FAM171A2: variants seen among roughly 807,000 people sequenced by gnomAD.
The protein encoded by FAM171A2 is family with sequence similarity 171 member A2.
FAM171A2 carries 13 observed loss-of-function variants against 34.2 expected under a neutral mutation model. The observed-to-expected ratio is 0.38, with a 90% confidence interval of 0.25 to 0.60. The LOEUF (loss-of-function observed/expected upper bound fraction) is 0.60. Among genes scored for constraint, FAM171A2 ranks in the 20% least tolerant of loss-of-function variants. FAM171A2 has a pLI of 0.62. For missense variants in FAM171A2, 950 were observed against 1,180.7 expected, an observed-to-expected ratio of 0.80 and a Z score of 2.86; for synonymous variants, 475 against 561.2, an observed-to-expected ratio of 0.85 and a Z score of 2.17.
chr17:44,361,185 T>C (rs930821069), intron 1 of FAM171A2, among the ~76,000 whole-genome samples: 1 of 152,206 alleles, frequency 6.6e-6, no homozygotes, highest in African/African-American at 2.4e-5. Context: ...GATGGCGTGA[T>C]GGGAAGGAAC....
intron 3 of FAM171A2, 192 bp downstream of exon 3, chr17:44,359,387 T>C: frequency 6.6e-6 from 4 of 606,664 alleles, no homozygotes; most frequent in Non-Finnish European, 1.2e-5. Context: ...CTGTGTTTTT[T>C]CACTTTGTGA....
intron 1 of FAM171A2, among the ~76,000 whole-genome samples, chr17:44,360,996 G>A (rs1049367861): frequency 6.6e-6 from 1 of 152,230 alleles, no homozygotes; most frequent in African/African-American, 2.4e-5. Flanking sequence ...CAGGAGATCA[G>A]GCAGGGAGCT....
chr17:44,359,785 C>T, intron 2 of FAM171A2, 114 bp from the exon 3 acceptor site: 5 of 1,335,966 alleles, frequency 3.7e-6, no homozygotes, highest in Non-Finnish European at 5.1e-6. Flanking sequence ...CCTCTGTGTA[C>T]CCCAGCCCAG....
chr17:44,359,614 T>C lies in FAM171A2; in HGVS notation c.404A>G (p.Tyr135Cys). Residue 135 changes from tyrosine to cysteine, a missense_variant, in exon 3 of 8, where the codon TAT (tyrosine) becomes TGT (cysteine). Around this residue, in one of 3 missense-constraint regions of FAM171A2, gnomAD observed 752 missense variants for 924.5 expected, o/e 0.81. Coordinates refer to ENST00000293443, the MANE Select transcript of FAM171A2 (RefSeq NM_198475.3). Reference sequence around the variant, plus strand: ...TAGGAGAATGTGCACCAGGTCCTCATAGAGGATGAGCGTGGCCGGCCGCTC... The same window carrying C: ...TAGGAGAATGTGCACCAGGTCCTCACAGAGGATGAGCGTGGCCGGCCGCTC... Reference protein sequence around the residue: ...LPERPATLILYEDLVHILLGS... With the variant: ...LPERPATLILCEDLVHILLGS... The C allele has an allele frequency of 1.9e-6, 3 of 1,551,088 alleles. No homozygotes were observed. The highest frequency in any genetic ancestry group is 2.4e-5 in the East Asian group (1 of 40,908).
rs1323284702 is a variant in FAM171A2 at position 44,359,894 on chromosome 17, C to T, written c.346+11G>A. 6.6e-7 allele frequency: 1 copy of T among 1,524,054 alleles called. No individual in the cohort carries two copies. The highest frequency in any genetic ancestry group is 2.0e-5 in the Admixed American group (1 of 49,768). 94.4% of individuals were successfully genotyped at this position (1,524,054 alleles called of 1,614,324 possible). On this transcript the variant is annotated intron_variant, in intron 2 of 7. Transcript: ENST00000293443. The stretch of plus-strand genomic sequence containing the variant: ...CTGCTGTCCCCCCCCTCCACCTGCC[C>T]CTGCACTCACAGGGCAGCTTGTCAA...
At chr17:44,358,381 G>A (rs997375392) in intron 3 of FAM171A2, among the ~76,000 whole-genome samples, 1 of 152,128 alleles carries the variant, frequency 6.6e-6, no homozygotes, top group South Asian at 2.1e-4. Context: ...TCAGAGTGAC[G>A]AAGGTGAGCA....
intron 1 of FAM171A2, among the ~76,000 whole-genome samples, chr17:44,361,037 G>C (rs182531931): frequency 6.6e-6 from 1 of 152,210 alleles, no homozygotes; most frequent in East Asian, 1.9e-4. Flanking sequence ...GAGATCTAGG[G>C]GGGAGCAACC....
At chr17:44,357,990 G>C (rs978289664) in intron 3 of FAM171A2, among the ~76,000 whole-genome samples, 1 of 152,178 alleles carries the variant, frequency 6.6e-6, no homozygotes, top group African/African-American at 2.4e-5. Flanking sequence ...CCTCGAGCCC[G>C]GATAGAAGCC....
chr17:44,358,440 C>T (rs930153548), intron 3 of FAM171A2, among the ~76,000 whole-genome samples: 29 of 152,272 alleles, frequency 1.9e-4, no homozygotes, highest in African/African-American at 7.0e-4. Flanking sequence ...CGCCTGTAAT[C>T]CCAGCACTTT....
chr17:44,362,722 T>TGTGG (rs2048452936), intron 1 of FAM171A2, among the ~76,000 whole-genome samples: 1 of 151,642 alleles, frequency 6.6e-6, no homozygotes, highest in Admixed American at 6.6e-5. Context: ...CTGCGCCCGG[T>TGTGG]GAGTCGCTGG....
chr17:44,353,655 G>T lies in FAM171A2; in HGVS notation c.*78C>A. On this transcript the variant is annotated 3_prime_UTR_variant, in exon 8 of 8. Transcript: ENST00000293443. ...CCTGGGGCTGGGAGCTACGCGCGAG[G>T]GCCCCCGCGGGCCCCCGGGGCGCGC... 1 of 1,091,956 alleles carries T rather than the reference G, an allele frequency of 9.2e-7. No individual in the cohort carries two copies. Among genetic ancestry groups the T allele is most frequent in the Non-Finnish European group, 1.1e-6 (1 of 873,712 alleles). 67.6% of individuals were successfully genotyped at this position (1,091,956 alleles called of 1,614,324 possible). A position where few individuals can be genotyped will look rare whatever the true frequency, so the allele number is the denominator to read the frequency against.
intron 3 of FAM171A2, among the ~76,000 whole-genome samples, chr17:44,357,917 A>G (rs1422420181): frequency 6.6e-6 from 1 of 152,182 alleles, no homozygotes; most frequent in Non-Finnish European, 1.5e-5. Flanking sequence ...TCTATTATCA[A>G]CCTCATTTTA....
chr17:44,353,719 G>GC lies in FAM171A2; in HGVS notation c.*13dup. Reference sequence around the variant, plus strand: ...GCCCGCGCGGGAGGGGCGGTGCCAGGCCCTGCGCGGGCGCTACTTGACGTT... The same window carrying GC: ...GCCCGCGCGGGAGGGGCGGTGCCAGGCCCCTGCGCGGGCGCTACTTGACGTT... On this transcript the variant is annotated 3_prime_UTR_variant, in exon 8 of 8. Coordinates refer to ENST00000293443, the MANE Select transcript of FAM171A2 (RefSeq NM_198475.3). The GC allele has an allele frequency of 7.3e-7, 1 of 1,376,448 alleles. No homozygotes were observed. The highest frequency in any genetic ancestry group is 9.4e-7 in the Non-Finnish European group (1 of 1,061,060). 85.3% of individuals were successfully genotyped at this position (1,376,448 alleles called of 1,614,324 possible). A position where few individuals can be genotyped will look rare whatever the true frequency, so the allele number is the denominator to read the frequency against.
rs1340637437 is a variant in FAM171A2 at position 44,359,677 on chromosome 17, G to A, written c.347-6C>T. On this transcript the variant is annotated splice_region_variant and splice_polypyrimidine_tract_variant and intron_variant, in intron 2 of 7. Coordinates refer to ENST00000293443, the MANE Select transcript of FAM171A2 (RefSeq NM_198475.3). Reference sequence around the variant, plus strand: ...GAGGCTGACAGACGCATACACTGCGGGAGGGATGGCCGGTCAGCTCCAGGA... The same window carrying A: ...GAGGCTGACAGACGCATACACTGCGAGAGGGATGGCCGGTCAGCTCCAGGA... 1.9e-6 allele frequency: 3 copies of A among 1,549,834 alleles called. No homozygotes were observed. The highest frequency in any genetic ancestry group is 2.7e-5 in the African/African-American group (2 of 72,988).
Position 44,354,849 on chromosome 17 carries a change from G to C in FAM171A2, c.1365C>G (p.Pro455=). Residue 455 remains proline, a synonymous_variant, in exon 8 of 8, where the codon CCC becomes CCG. Coordinates refer to ENST00000293443, the MANE Select transcript of FAM171A2 (RefSeq NM_198475.3). The surrounding 1 kb of genome is among the most constrained non-coding windows in gnomAD (Gnocchi z 5.8). ...RSAEGPGGLE[P]GLEEHRRGPS... ...GCCCCCGCCGGTGCTCCTCTAGGCC[G>C]GGCTCCAGCCCGCCGGGGCCCTCGG... is the stretch of plus-strand genomic sequence containing the variant. The C allele has an allele frequency of 7.8e-7, 1 of 1,282,650 alleles. No homozygotes were observed. Among genetic ancestry groups the C allele is most frequent in the Non-Finnish European group, 9.8e-7 (1 of 1,017,804 alleles). 79.5% of individuals were successfully genotyped at this position (1,282,650 alleles called of 1,614,324 possible). A position where few individuals can be genotyped will look rare whatever the true frequency, so the allele number is the denominator to read the frequency against.
chr17:44,360,100 C>G lies in FAM171A2; in HGVS notation c.151G>C (p.Gly51Arg), dbSNP rs753696091. ...GCCCGGGCCAGGGGCACCAGCTCCC[C>G]GCTCACATACACCTGCACCTTGATC... Reference protein sequence around the residue: ...ILIKVQVYVSGELVPLARASV... With the variant: ...ILIKVQVYVSRELVPLARASV... The change falls in exon 2 of 8, where the codon GGG becomes CGG. Residue 51 changes from glycine to arginine, a missense_variant. By Grantham distance (125) the Gly-to-Arg change is moderately radical. Coordinates refer to ENST00000293443, the MANE Select transcript of FAM171A2 (RefSeq NM_198475.3). 2 of 1,551,630 alleles carry G rather than the reference C, an allele frequency of 1.3e-6. No homozygotes were observed.
In FAM171A2 at chr17:44,354,814, G is replaced by A; in HGVS notation, c.1400C>T (p.Ala467Val). ...GGGCGGCTCGTGCAGGAAGGCCGCAGCCCCCGAGGGCCCCCGCCGGTGCTC... is the reference window on the plus strand; with the variant it reads ...GGGCGGCTCGTGCAGGAAGGCCGCAACCCCCGAGGGCCCCCGCCGGTGCTC... Reference protein sequence around the residue: ...LEEHRRGPSGAAAFLHEPPSP... With the variant: ...LEEHRRGPSGVAAFLHEPPSP... Residue 467 changes from alanine (A) to valine (V), a missense_variant, in exon 8 of 8, where the codon GCT (alanine) becomes GTT (valine). Physicochemically the swap from Ala to Val is moderately conservative, Grantham distance 64. Around this residue, in one of 3 missense-constraint regions of FAM171A2, gnomAD observed 752 missense variants for 924.5 expected, o/e 0.81. Transcript: ENST00000293443. This position sits in a 1 kb window ranked among gnomAD's most constrained non-coding sequence, Gnocchi z 5.8. 1.6e-6 allele frequency: 2 copies of A among 1,281,906 alleles called. No individual in the cohort carries two copies. Among genetic ancestry groups the A allele is most frequent in the Non-Finnish European group, 9.9e-7 (1 of 1,015,208 alleles). 79.4% of individuals were successfully genotyped at this position (1,281,906 alleles called of 1,614,324 possible).
chr17:44,355,821 C>G lies in FAM171A2; in HGVS notation c.916G>C (p.Gly306Arg). The G allele has an allele frequency of 6.4e-7, 1 of 1,551,694 alleles. No individual in the cohort carries two copies. Among genetic ancestry groups the G allele is most frequent in the Admixed American group, 2.0e-5 (1 of 51,000 alleles). ...PTAGLVTITSGIQDIGTYHTI... is the reference protein window; with the variant it reads ...PTAGLVTITSRIQDIGTYHTI... ...TGGTAGGTGCCGATGTCCTGGATGC[C>G]CGACGTGATGGTGACCAGCCCTGTG... The change falls in exon 7 of 8, where the codon GGC becomes CGC. Residue 306 changes from glycine to arginine, a missense_variant. By Grantham distance (125) the Gly-to-Arg change is moderately radical. Transcript: ENST00000293443. This position sits in a 1 kb window ranked among gnomAD's most constrained non-coding sequence, Gnocchi z 4.1.
intron 1 of FAM171A2, among the ~76,000 whole-genome samples, chr17:44,362,505 TG>T: frequency 6.6e-6 from 1 of 152,174 alleles, no homozygotes; most frequent in African/African-American, 2.4e-5. Flanking sequence ...CTCCTTAGTG[TG>T]GGGGGTGAGG....
Sources: gnomAD v4.1 joint callset for allele counts (sites outside exome capture counted in the v4.1 genomes callset) on GRCh38, gnomAD v4.1.1 for gene constraint, gnomAD v4.1.1 regional missense constraint, Gnocchi (gnomAD v3.1) non-coding constraint, MANE v1.5 for transcripts, NCBI Gene and HGNC (gene_info 2026-07-23, HGNC 2026-07-21) for gene names.